The following DIABLO variants were observed in gnomAD, a reference collection of about 807,000 sequenced individuals.
The protein encoded by DIABLO is diablo IAP-binding mitochondrial protein, also known as diablo homolog, mitochondrial.
In DIABLO, 32 loss-of-function variants were observed where a neutral mutation model predicts 31.7. The observed-to-expected ratio is 1.01, with a 90% confidence interval of 0.76 to 1.35. The LOEUF is 1.35. Among genes scored for constraint, DIABLO ranks in the 40% most tolerant of loss-of-function variants. The probability of loss-of-function intolerance (pLI) is 0.00; values close to 1 mark genes in which losing one functional copy is unlikely to be tolerated. For synonymous variants in DIABLO, 132 were observed against 103.2 expected, an observed-to-expected ratio of 1.28 and a Z score of -1.69; for missense variants, 316 against 286.4, an observed-to-expected ratio of 1.10 and a Z score of -0.75.
intron 3 of DIABLO, 134 bp from the exon 4 acceptor site, chr12:122,217,003 T>C: frequency 8.3e-6 from 6 of 720,994 alleles, no homozygotes; most frequent in Non-Finnish European, 1.2e-5. Context: ...TCAATGAAAT[T>C]GCACTATTAT....
At chr12:122,226,658 A>G (rs1195080426), upstream of DIABLO, 4 of 632,224 alleles carry the variant, frequency 6.3e-6, no homozygotes, top group East Asian at 8.7e-5. Context: ...CTGGCCCTCG[A>G]AACAGCAAAC....
intron 1 of DIABLO, 95 bp downstream of exon 1, chr12:122,225,870 G>A (rs1395753808): frequency 4.5e-6 from 7 of 1,540,920 alleles, no homozygotes; most frequent in Middle Eastern, 2.2e-4. Flanking sequence ...AGAGATGAGC[G>A]CGTAAGGAAG....
At position 122,209,210 on chromosome 12, in the gene DIABLO, A is replaced by C. The variant is rs142310246; in HGVS notation, c.524-633T>G. 3.9e-3 allele frequency among the ~76,000 whole-genome samples: 599 copies of C among 152,196 alleles called. 40 individuals carry two copies. In the East Asian group the frequency reaches 0.11, roughly 27 times the overall value. Reference sequence around the variant, plus strand: ...CCCGTCTCTACCAAAAATACAAAAAAAAATTAGCCAGGCATGGTGGCGCAT... The same window carrying C: ...CCCGTCTCTACCAAAAATACAAAAACAAATTAGCCAGGCATGGTGGCGCAT... On this transcript the variant is annotated intron_variant, in intron 5 of 5. Transcript: ENST00000464942.
intron 2 of DIABLO, among the ~76,000 whole-genome samples, chr12:122,223,446 A>T (rs934223778): frequency 2.4e-4 from 37 of 151,890 alleles, no homozygotes; most frequent in African/African-American, 8.7e-4. Context: ...AAAAAAAAAA[A>T]AAAAATATCT....
chr12:122,226,009 CGCCATT>C lies in DIABLO; in HGVS notation c.-1_5del. ...TGCGCGACAGCCAACTCTTCAGAGC[CGCCATT>C]GTGCAGCGCGCGGACGCCAGACGCA... On this transcript the variant is annotated start_lost and 5_prime_UTR_variant, in exon 1 of 6. Transcript: ENST00000464942. 6.2e-7 allele frequency: 1 copy of C among 1,603,676 alleles called. No homozygotes were observed. Among genetic ancestry groups the C allele is most frequent in the African/African-American group, 1.3e-5 (1 of 74,856 alleles).
At chr12:122,216,379 T>G (rs1399011032) in intron 5 of DIABLO, 109 bp downstream of exon 5, 5 of 923,150 alleles carry the variant, frequency 5.4e-6, no homozygotes, top group Non-Finnish European at 6.8e-6. Flanking sequence ...GAGAGCCACT[T>G]AGACCATTTA....
chr12:122,213,219 GA>G (rs1954126477), intron 5 of DIABLO, among the ~76,000 whole-genome samples: 5 of 151,438 alleles, frequency 3.3e-5, no homozygotes, highest in Middle Eastern at 6.9e-3. Flanking sequence ...ACCTGGACCA[GA>G]TTTTTGGTTA....
At chr12:122,216,671 GATT>G in intron 4 of DIABLO, 85 bp downstream of exon 4, 1 of 1,536,016 alleles carries the variant, frequency 6.5e-7, no homozygotes, top group Non-Finnish European at 9.0e-7. Flanking sequence ...AGAGAACACT[GATT>G]ATATTGATTA....
At chr12:122,217,154 G>A (rs1053628069) in intron 3 of DIABLO, 1 of 385,796 alleles carries the variant, frequency 2.6e-6, no homozygotes, top group African/African-American at 2.1e-5. Context: ...AAAGCTGCTG[G>A]AAAATATATG....
At chr12:122,224,918 GGGCAACATGGCT>G in intron 1 of DIABLO, 3 of 1,117,914 alleles carry the variant, frequency 2.7e-6, no homozygotes, top group Non-Finnish European at 2.4e-6. Flanking sequence ...CGACCAGCCT[GGGCAACATGGCT>G]GGCAACATGA....
Position 122,224,634 on chromosome 12 carries a change from ACT to A in DIABLO, c.59_60del (p.Gln20LeufsTer9). The part of the protein sequence containing the change: ...RSVTSFFRYR[Q>X]CLCVPVVANF... ...TTAGCCACAACAGGAACACACAAAC[ACT>A]GTCTGTACCTGGAAGTAGAAGTCAG... On this transcript the variant is annotated frameshift_variant, in exon 2 of 6. Coordinates refer to ENST00000464942, the MANE Select transcript of DIABLO (RefSeq NM_001371333.1). LOFTEE classifies it high-confidence loss of function. The A allele has an allele frequency of 6.2e-7, 1 of 1,614,182 alleles. No homozygotes were observed. Among genetic ancestry groups the A allele is most frequent in the Non-Finnish European group, 8.5e-7 (1 of 1,180,036 alleles).
chr12:122,225,349 T>C, intron 1 of DIABLO: 2 of 961,398 alleles, frequency 2.1e-6, no homozygotes, highest in Non-Finnish European at 2.5e-6. Flanking sequence ...ATCTCGCCAC[T>C]GCACTCCAGC....
intron 5 of DIABLO, among the ~76,000 whole-genome samples, chr12:122,212,394 G>A (rs777077898): frequency 1.3e-4 from 20 of 152,070 alleles, no homozygotes; most frequent in Non-Finnish European, 2.5e-4. Flanking sequence ...GTATACAGGT[G>A]GTACTTTGAG....
Position 122,216,829 on chromosome 12 carries a change from CTTGTATATTGTCGGTAAAGAGAAG to C in DIABLO, c.332_355del (p.Thr111_Thr118del). 1 of 1,614,112 alleles carries C rather than the reference CTTGTATATTGTCGGTAAAGAGAAG, an allele frequency of 6.2e-7. No individual in the cohort carries two copies. The highest frequency in any genetic ancestry group is 8.5e-7 in the Non-Finnish European group (1 of 1,180,026). ...CTCTGAATTCATTTTCCCAAGTAAACTTGTATATTGTCGGTAAAGAGAAGTTAAGGTATAAACAGCCTACAAATA... is the reference window on the plus strand; with the variant it reads ...CTCTGAATTCATTTTCCCAAGTAAACTTAAGGTATAAACAGCCTACAAATA... On this transcript the variant is annotated inframe_deletion, in exon 4 of 6. Coordinates refer to ENST00000464942, the MANE Select transcript of DIABLO (RefSeq NM_001371333.1).
At chr12:122,216,613 C>A in intron 4 of DIABLO, 29 bp from the exon 5 acceptor site, 1 of 1,607,020 alleles carries the variant, frequency 6.2e-7, no homozygotes, top group Non-Finnish European at 8.5e-7. Context: ...GTGCTTCAGA[C>A]AGCATAAGAG....
At chr12:122,225,127 C>A (rs769956547) in intron 1 of DIABLO, 22 of 309,882 alleles carry the variant, frequency 7.1e-5, no homozygotes, top group Non-Finnish European at 1.1e-4. Context: ...GCAGGAGAAT[C>A]GCTTGAACCT....
chr12:122,215,609 AATT>A (rs1954191652), intron 5 of DIABLO, among the ~76,000 whole-genome samples: 2 of 152,002 alleles, frequency 1.3e-5, no homozygotes, highest in African/African-American at 4.8e-5. Flanking sequence ...CATTAAAAAA[AATT>A]TTTTTTTCTG....
At chr12:122,224,811 T>C in intron 1 of DIABLO, 167 bp from the exon 2 acceptor site, 2 of 1,531,354 alleles carry the variant, frequency 1.3e-6, no homozygotes, top group African/African-American at 1.4e-5. Context: ...AAGTTTAAAA[T>C]GTTGCCTCAG....
chr12:122,215,854 T>C (rs12424872), intron 5 of DIABLO, among the ~76,000 whole-genome samples: 45,048 of 140,082 alleles, frequency 0.32, 7,479 homozygotes, highest in East Asian at 0.64. Flanking sequence ...CTGTGCAACA[T>C]TGTAAAACCC....
Sources: gnomAD v4.1 joint callset for allele counts (sites outside exome capture counted in the v4.1 genomes callset) on GRCh38, gnomAD v4.1.1 for gene constraint, MANE v1.5 for transcripts, NCBI Gene and HGNC (gene_info 2026-07-23, HGNC 2026-07-21) for gene names.